POLK: variants seen among roughly 807,000 people sequenced by gnomAD.
The protein encoded by POLK is polymerase (DNA directed) kappa.
A neutral mutation model predicts 94.0 loss-of-function variants in POLK; 76 were observed. The observed-to-expected ratio is 0.81, with a 90% confidence interval of 0.67 to 0.98. POLK has a LOEUF of 0.98. Ranked by LOEUF, POLK falls within the 50% of genes least tolerant of loss-of-function variation. The pLI is 0.00. For synonymous variants in POLK, 349 were observed against 325.4 expected, an observed-to-expected ratio of 1.07 and a Z score of -0.78; for missense variants, 954 against 1,010.1, an observed-to-expected ratio of 0.94 and a Z score of 0.75.
At chr5:75,577,582 T>C (rs562909708) in intron 6 of POLK, among the ~76,000 whole-genome samples, 2 of 152,320 alleles carry the variant, frequency 1.3e-5, no homozygotes, top group East Asian at 3.9e-4. Context: ...TGAGATGTCC[T>C]GGACCCCTGA....
At chr5:75,533,709 T>G (rs983728873) in intron 1 of POLK, among the ~76,000 whole-genome samples, 12 of 152,238 alleles carry the variant, frequency 7.9e-5, no homozygotes, top group African/African-American at 2.9e-4. Context: ...TGTTGATTCA[T>G]TCTATCCATG....
rs766058972 is a variant in POLK, at chr5:75,576,981, A to T, written c.694+48A>T. 3.3e-6 allele frequency: 4 copies of T among 1,216,096 alleles called. No individual in the cohort carries two copies. In the South Asian group the frequency reaches 7.1e-5, roughly 22 times the overall value. The allele number at this position is 1,216,096 out of a possible 1,614,324, so 75.3% of individuals were successfully genotyped here. ...CAAACCAAGAAGCAGTGAAAAAAAA[A>T]AACCCACAACTCTTTGAATTAATCC... On this transcript the variant is annotated intron_variant, in intron 6 of 14. Coordinates refer to ENST00000241436, the Ensembl canonical transcript of POLK.
intron 2 of POLK, among the ~76,000 whole-genome samples, chr5:75,551,134 T>C (rs1472392511): frequency 6.6e-6 from 1 of 152,002 alleles, no homozygotes; most frequent in Non-Finnish European, 1.5e-5. Context: ...AATACAACTT[T>C]TAGAAGAAAA....
chr5:75,511,463 G>A (rs923677412), upstream of POLK: 17 of 1,528,012 alleles, frequency 1.1e-5, no homozygotes, highest in Admixed American at 2.5e-4. Context: ...CCGTCGCCGT[G>A]ACCCCTGCGT....
intron 1 of POLK, among the ~76,000 whole-genome samples, chr5:75,516,641 G>A (rs1391027634): frequency 2.0e-5 from 3 of 151,886 alleles, no homozygotes; most frequent in Non-Finnish European, 2.9e-5. Flanking sequence ...TTCAAAGCCA[G>A]GTAACAGAGT....
At chr5:75,603,223 A>C (rs1344680327), downstream of POLK, among the ~76,000 whole-genome samples, 1 of 152,164 alleles carries the variant, frequency 6.6e-6, no homozygotes, top group Non-Finnish European at 1.5e-5. Flanking sequence ...CCAACCCTGT[A>C]TCTGTTACTG....
chr5:75,511,569 G>A, upstream of POLK: 1 of 1,458,880 alleles, frequency 6.9e-7, no homozygotes, highest in Non-Finnish European at 9.0e-7. Context: ...TCCGGCCGCT[G>A]AGTCCCGCGT....
chr5:75,576,685 C>T, intron 5 of POLK, 95 bp from the exon 6 acceptor site: 1 of 533,240 alleles, frequency 1.9e-6, no homozygotes, highest in Non-Finnish European at 3.1e-6. Context: ...ACTGTAGTTG[C>T]AAACTAAGAA....
At chr5:75,581,668 A>C in intron 7 of POLK, 7 of 454,072 alleles carry the variant, frequency 1.5e-5, no homozygotes, top group East Asian at 4.0e-5. Context: ...AAAAGATTAT[A>C]CGTTTCTTTC....
intron 1 of POLK, among the ~76,000 whole-genome samples, chr5:75,545,602 T>C (rs891705419): frequency 2.0e-5 from 3 of 152,210 alleles, no homozygotes; most frequent in African/African-American, 7.2e-5. Context: ...TATAAAGATA[T>C]TAAATAATTA....
At chr5:75,604,351 T>A (rs1454342753), downstream of POLK, among the ~76,000 whole-genome samples, 1 of 152,162 alleles carries the variant, frequency 6.6e-6, no homozygotes, top group East Asian at 1.9e-4. Context: ...ATATTTCATT[T>A]AAAAAAATCA....
chr5:75,576,935 T>G lies in POLK; in HGVS notation c.694+2T>G. ...AAATGGGAAGCTCTGTAGAAAATGG[T>G]AAGCAACTTATTAAGACTATCAAAC... is the stretch of plus-strand genomic sequence containing the variant. On this transcript the variant is annotated splice_donor_variant, in intron 6 of 14. Coordinates refer to ENST00000241436, the Ensembl canonical transcript of POLK. LOFTEE classifies it high-confidence loss of function. 6.5e-7 allele frequency: 1 copy of G among 1,527,996 alleles called. No individual in the cohort carries two copies. Among genetic ancestry groups the G allele is most frequent in the Non-Finnish European group, 8.8e-7 (1 of 1,141,944 alleles). 94.7% of individuals were successfully genotyped at this position (1,527,996 alleles called of 1,614,324 possible).
chr5:75,546,759 G>C (rs182523283), intron 1 of POLK, among the ~76,000 whole-genome samples: 1 of 151,984 alleles, frequency 6.6e-6, no homozygotes, highest in Admixed American at 6.6e-5. Context: ...TCTGCCTCCC[G>C]GGTTCAAGCA....
At chr5:75,563,497 G>A (rs1408074055) in intron 3 of POLK, among the ~76,000 whole-genome samples, 1 of 152,040 alleles carries the variant, frequency 6.6e-6, no homozygotes, top group Non-Finnish European at 1.5e-5. Flanking sequence ...TTAGGGTGTT[G>A]ATTTTAGATC....
chr5:75,551,465 A>G (rs1010858007), intron 2 of POLK, among the ~76,000 whole-genome samples: 7 of 152,290 alleles, frequency 4.6e-5, no homozygotes, highest in African/African-American at 1.7e-4. Context: ...TGTAAAACAC[A>G]TATGTGATAA....
At chr5:75,510,927 C>A (rs1580879897), upstream of POLK, among the ~76,000 whole-genome samples, 4 of 152,292 alleles carry the variant, frequency 2.6e-5, no homozygotes, top group East Asian at 7.7e-4. Context: ...CTGCCCCCGA[C>A]GAGCCCCCGG....
At chr5:75,597,150 T>C (rs1773137680) in exon 13 of POLK, 9 of 1,602,402 alleles carry the variant, frequency 5.6e-6, no homozygotes, top group Admixed American at 1.7e-5. Flanking sequence ...ACCCAGTTAA[T>C]CAACCCAAAG....
In POLK at chr5:75,595,248, G is replaced by GAAAA. The variant is rs58783164; in HGVS notation, c.1529-952_1529-949dup. On this transcript the variant is annotated intron_variant, in intron 12 of 14. Coordinates refer to ENST00000241436, the Ensembl canonical transcript of POLK. ...GCAACAAGAGTGAAACTCCACCTCA[G>GAAAA]AAAAAAAAAAAAAAAAAAAAAAAAA... Among the ~76,000 whole-genome samples the GAAAA allele has an allele frequency of 3.9e-3, 96 of 24,872 alleles. 16 individuals are homozygous for GAAAA. Among genetic ancestry groups the GAAAA allele is most frequent in the African/African-American group, 9.3e-3 (85 of 9,166 alleles). 16.3% of individuals were successfully genotyped at this position (24,872 alleles called of 152,430 possible).
intron 1 of POLK, among the ~76,000 whole-genome samples, chr5:75,530,396 CTTTTTTTTTTTTTTT>C (rs201266079): frequency 1.6e-5 from 1 of 61,626 alleles, no homozygotes; most frequent in Non-Finnish European, 3.2e-5. Context: ...TTCCCTTTTT[CTTTTTTTTTTTTTTT>C]TTTTTTTTTT....
Sources: gnomAD v4.1 joint callset for allele counts (sites outside exome capture counted in the v4.1 genomes callset) on GRCh38, gnomAD v4.1.1 for gene constraint, MANE v1.5 for transcripts, NCBI Gene and HGNC (gene_info 2026-07-23, HGNC 2026-07-21) for gene names.